The following RAI1 variants were observed in gnomAD, a reference collection of about 807,000 sequenced individuals.
RAI1 encodes the protein retinoic acid induced 1, also known as retinoic acid-induced protein 1.
Under a neutral mutation model 123.8 loss-of-function variants are expected in RAI1, and 9 were observed. The observed-to-expected ratio is 0.07, with a 90% confidence interval of 0.04 to 0.13. The LOEUF is 0.13. Among genes scored for constraint, RAI1 ranks in the 10% least tolerant of loss-of-function variants. The pLI is 1.00. For synonymous variants in RAI1, 1,231 were observed against 1,127.3 expected (o/e 1.09, Z -1.84); for missense variants, 2,256 against 2,545.8 (o/e 0.89, Z 2.45).
chr17:17,785,130 C>T (rs527824058), intron 2 of RAI1, among the ~76,000 whole-genome samples: 4 of 152,306 alleles, frequency 2.6e-5, no homozygotes, highest in Admixed American at 2.6e-4. Flanking sequence ...CCCAGCTCGG[C>T]CCACATCCAG....
rs374516556 is a variant in RAI1, at chr17:17,797,578, C to T, written c.4630C>T (p.Arg1544Trp). 31 of 1,613,974 alleles carry T rather than the reference C, an allele frequency of 1.9e-5. No individual in the cohort carries two copies. The highest frequency in any genetic ancestry group is 2.7e-5 in the African/African-American group (2 of 74,948). Residue 1544 changes from arginine (R) to tryptophan (W), a missense_variant, in exon 3 of 6, where the codon CGG (arginine) becomes TGG (tryptophan). Arg to Trp is a moderately radical substitution (Grantham distance 101). This residue lies in a region of RAI1 where 410 missense variants were observed against 374.6 expected (regional missense o/e 1.09). Transcript: ENST00000353383. ...YSKRKRLTRG[R>W]AKNTTSSPCK... ...CAAGCGGAAGCGCCTCACTCGGGGC[C>T]GGGCCAAGAACACCACCTCTTCACC...
chr17:17,709,569 G>A lies in RAI1; in HGVS notation c.-148-14459G>A, dbSNP rs1219983997. On this transcript the variant is annotated intron_variant, in intron 1 of 5. Transcript: ENST00000353383. Reference sequence around the variant, plus strand: ...GTGGGGCATTTGCAGTTCCAGCCTGGGCAGCTGCCCACTAGGTCTCTTTCC... The same window carrying A: ...GTGGGGCATTTGCAGTTCCAGCCTGAGCAGCTGCCCACTAGGTCTCTTTCC... Among the ~76,000 whole-genome samples the A allele has an allele frequency of 2.0e-5, 3 of 152,120 alleles. No individual in the cohort carries two copies. The East Asian group carries it at 5.8e-4, about 29-fold the overall frequency.
In RAI1 at chr17:17,803,745, C is replaced by A. The variant is rs748976048; in HGVS notation, c.5566-11C>A. 3 of 1,611,998 alleles carry A rather than the reference C, an allele frequency of 1.9e-6. No individual in the cohort carries two copies. Among genetic ancestry groups the A allele is most frequent in the Non-Finnish European group, 1.7e-6 (2 of 1,178,542 alleles). ...CTGGAGACTCACCTGCCTTTCCTTT[C>A]TCTTCATCAGATGTGTTCCAGCTGC... On this transcript the variant is annotated splice_polypyrimidine_tract_variant and intron_variant, in intron 3 of 5. Coordinates refer to ENST00000353383, the MANE Select transcript of RAI1 (RefSeq NM_030665.4).
rs368058215 is a variant in RAI1, at chr17:17,795,362, C to T, written c.2414C>T (p.Ser805Leu). 3.3e-5 allele frequency: 52 copies of T among 1,595,896 alleles called. No individual in the cohort carries two copies. The highest frequency in any genetic ancestry group is 4.5e-5 in the East Asian group (2 of 44,590). ...GACCCCCCTGGGGAGAAGGTGGCCT[C>T]GTTGCCCGGGGACTTCAAGCAGGAG... ...EEDPPGEKVA[S>L]LPGDFKQEEV... Residue 805 changes from serine (S) to leucine (L), a missense_variant, in exon 3 of 6, where the codon TCG (serine) becomes TTG (leucine). Ser to Leu is a moderately radical substitution (Grantham distance 145, BLOSUM62 -2). Transcript: ENST00000353383. This position sits in a 1 kb window ranked among gnomAD's most constrained non-coding sequence, Gnocchi z 5.9.
intron 1 of RAI1, among the ~76,000 whole-genome samples, chr17:17,716,577 TG>T (rs1352195570): frequency 2.6e-5 from 4 of 152,164 alleles, no homozygotes; most frequent in Non-Finnish European, 5.9e-5. Context: ...TATGTGGTTT[TG>T]TGTCTTTTCA....
intron 2 of RAI1, among the ~76,000 whole-genome samples, chr17:17,730,927 C>T (rs1916248128): frequency 6.6e-6 from 1 of 152,222 alleles, no homozygotes; most frequent in Admixed American, 6.5e-5. Context: ...TTCGGGCCCA[C>T]TCGCAGCCTG....
intron 2 of RAI1, among the ~76,000 whole-genome samples, chr17:17,790,390 G>T (rs893925755): frequency 6.6e-6 from 1 of 152,206 alleles, no homozygotes; most frequent in Non-Finnish European, 1.5e-5. Flanking sequence ...TAATTGAACT[G>T]TCTTTTCTTA....
intron 1 of RAI1, among the ~76,000 whole-genome samples, chr17:17,708,786 GC>G (rs1437596147): frequency 6.6e-6 from 1 of 152,206 alleles, no homozygotes; most frequent in Non-Finnish European, 1.5e-5. Context: ...CCAGTCACAG[GC>G]TGGGCACCAT....
chr17:17,683,095 A>G (rs570204571), intron 1 of RAI1, among the ~76,000 whole-genome samples: 5 of 152,232 alleles, frequency 3.3e-5, no homozygotes, highest in Admixed American at 6.5e-5. Context: ...TGTCTTTCCA[A>G]TGCAGTAGTG....
At position 17,714,358 on chromosome 17, in the gene RAI1, G is replaced by T. The variant is rs1465170262; in HGVS notation, c.-148-9670G>T. On this transcript the variant is annotated intron_variant, in intron 1 of 5. Coordinates refer to ENST00000353383, the MANE Select transcript of RAI1 (RefSeq NM_030665.4). This position sits in a 1 kb window ranked among gnomAD's most constrained non-coding sequence, Gnocchi z 4.9. ...CGGGACAAAGCGTGGGTGGGCCTGT[G>T]CCCTGGTGGCATAACCAAGTAGGAT... Among the ~76,000 whole-genome samples the T allele has an allele frequency of 6.6e-6, 1 of 152,078 alleles. No individual in the cohort carries two copies. The highest frequency in any genetic ancestry group is 2.4e-5 in the African/African-American group (1 of 41,430).
intron 2 of RAI1, among the ~76,000 whole-genome samples, chr17:17,733,338 C>T (rs138397119): frequency 6.6e-6 from 1 of 152,286 alleles, no homozygotes; most frequent in Non-Finnish European, 1.5e-5. Flanking sequence ...CGGGGCACTG[C>T]GTGGGGAAAG....
intron 2 of RAI1, among the ~76,000 whole-genome samples, chr17:17,791,735 C>T (rs1378777749): frequency 6.6e-6 from 1 of 152,190 alleles, no homozygotes; most frequent in Non-Finnish European, 1.5e-5. Context: ...CTGGGGCATT[C>T]CTCTTTCTTC....
chr17:17,718,926 C>T (rs1915794533), intron 1 of RAI1, among the ~76,000 whole-genome samples: 1 of 152,186 alleles, frequency 6.6e-6, no homozygotes, highest in African/African-American at 2.4e-5. Context: ...GGCATTTGCT[C>T]TCCCACCAGC....
intron 3 of RAI1, among the ~76,000 whole-genome samples, chr17:17,803,081 G>C (rs983574496): frequency 8.7e-6 from 1 of 114,590 alleles, no homozygotes; most frequent in East Asian, 2.5e-4. Flanking sequence ...GTGAAATTCT[G>C]TCTCAAAAAA....
chr17:17,802,062 C>T (rs1269362975), intron 3 of RAI1: 3 of 470,832 alleles, frequency 6.4e-6, no homozygotes, highest in South Asian at 1.5e-5. Flanking sequence ...GTGGCTCTGG[C>T]GCCTGGTGAC....
At position 17,793,431 on chromosome 17, in the gene RAI1, C is replaced by T. The variant is rs989892713; in HGVS notation, c.483C>T (p.Gly161=). The T allele has an allele frequency of 3.1e-6, 5 of 1,613,330 alleles. No homozygotes were observed. The highest frequency in any genetic ancestry group is 1.3e-5 in the African/African-American group (1 of 75,020). ...CCAGCAGGCAGTATGCAGAGCAGGG[C>T]GCCCAGGTGCCCTTTCGGACTCACT... ...VPPSRQYAEQ[G]AQVPFRTHSL... The change falls in exon 3 of 6, where the codon GGC becomes GGT. Residue 161 remains glycine, a synonymous_variant. Transcript: ENST00000353383.
At chr17:17,778,967 C>T (rs1015701744) in intron 2 of RAI1, 8 of 451,190 alleles carry the variant, frequency 1.8e-5, no homozygotes, top group Admixed American at 4.7e-5. Context: ...TATTCTGAAC[C>T]GCAGAAAGTA....
At chr17:17,736,782 A>G (rs1916447692) in intron 2 of RAI1, among the ~76,000 whole-genome samples, 1 of 152,098 alleles carries the variant, frequency 6.6e-6, no homozygotes, top group Non-Finnish European at 1.5e-5. Context: ...CTGGATTCTG[A>G]GCATTGCTAG....
rs1243143088 is a variant in RAI1 at position 17,797,410 on chromosome 17, A to T, written c.4462A>T (p.Ser1488Cys). ...CAGGGCCAGTGGCACACAAGGGGCC[A>T]GTGAGGACAACTCTGGTGGAGGAGG... ...RDRASGTQGASEDNSGGGGKK... is the reference protein window; with the variant it reads ...RDRASGTQGACEDNSGGGGKK... The change falls in exon 3 of 6, where the codon AGT (serine) becomes TGT (cysteine). Residue 1488 changes from serine to cysteine, a missense_variant. Ser to Cys is a moderately radical substitution (Grantham distance 112). This residue lies in a region of RAI1 where 410 missense variants were observed against 374.6 expected (regional missense o/e 1.09). Coordinates refer to ENST00000353383, the MANE Select transcript of RAI1 (RefSeq NM_030665.4). The T allele has an allele frequency of 6.2e-7, 1 of 1,612,926 alleles. No individual in the cohort carries two copies. Among genetic ancestry groups the T allele is most frequent in the South Asian group, 1.1e-5 (1 of 91,072 alleles).
Sources: gnomAD v4.1 joint callset for allele counts (sites outside exome capture counted in the v4.1 genomes callset) on GRCh38, gnomAD v4.1.1 for gene constraint, gnomAD v4.1.1 regional missense constraint, Gnocchi (gnomAD v3.1) non-coding constraint, MANE v1.5 for transcripts, NCBI Gene and HGNC (gene_info 2026-07-23, HGNC 2026-07-21) for gene names.